Variants in MITF observed in about 807,000 individuals in gnomAD.
The protein encoded by MITF is microphthalmia-associated transcription factor.
In MITF, 17 loss-of-function variants were observed where a neutral mutation model predicts 60.5. The ratio of observed to expected loss-of-function variants is 0.28; its 90% CI spans 0.19 to 0.42. The LOEUF is 0.42. Ranked by LOEUF, MITF falls within the 10% of genes least tolerant of loss-of-function variation. The pLI, the probability that MITF is intolerant of heterozygous loss-of-function variation, is 1.00. For synonymous variants in MITF, 260 were observed against 248.5 expected (o/e 1.05, Z -0.43); for missense variants, 622 against 683.5 (o/e 0.91, Z 1.00).
At chr3:69,777,052 T>A (rs1231455337) in intron 1 of MITF, among the ~76,000 whole-genome samples, 5 of 152,318 alleles carry the variant, frequency 3.3e-5, no homozygotes, top group East Asian at 1.9e-4. Flanking sequence ...AAAAGTCTTA[T>A]AATCATGCAT....
In MITF at chr3:69,804,002, T is replaced by C. The variant is rs550769819; in HGVS notation, c.104+64301T>C. On this transcript the variant is annotated intron_variant, in intron 1 of 9. Transcript: ENST00000352241. ...AATAGAAGAATCCATGAAGCAAATG[T>C]ATCCTGTGCTGGGCTTATGGAAGAA... 2.0e-5 allele frequency among the ~76,000 whole-genome samples: 3 copies of C among 152,316 alleles called. No homozygotes were observed. In the East Asian group the frequency reaches 5.8e-4, roughly 29 times the overall value.
At chr3:69,897,317 C>T (rs1234599822) in intron 2 of MITF, among the ~76,000 whole-genome samples, 3 of 151,892 alleles carry the variant, frequency 2.0e-5, no homozygotes, top group African/African-American at 2.4e-5. Context: ...CTCCAGAAGA[C>T]GTAAGAAGAA....
intron 1 of MITF, among the ~76,000 whole-genome samples, chr3:69,811,988 T>G (rs1281329842): frequency 6.6e-6 from 1 of 152,196 alleles, no homozygotes; most frequent in Non-Finnish European, 1.5e-5. Flanking sequence ...AACTGAAATT[T>G]CTTGCTGTTT....
At chr3:69,744,221 A>C (rs747054339) in intron 1 of MITF, among the ~76,000 whole-genome samples, 3 of 152,222 alleles carry the variant, frequency 2.0e-5, no homozygotes, top group African/African-American at 2.4e-5. Flanking sequence ...CATTTCTTGG[A>C]GTTATGCTGA....
At chr3:69,900,600 G>C (rs1427815946) in intron 2 of MITF, among the ~76,000 whole-genome samples, 1 of 152,184 alleles carries the variant, frequency 6.6e-6, no homozygotes, top group Non-Finnish European at 1.5e-5. Flanking sequence ...TGATAGAACA[G>C]GGTAAAAAGG....
intron 1 of MITF, among the ~76,000 whole-genome samples, chr3:69,757,996 C>CGT (rs1559612315): frequency 1.1e-4 from 11 of 96,474 alleles, no homozygotes; most frequent in South Asian, 3.8e-4. Context: ...TACCCTAGGG[C>CGT]ATGTGTGTGT....
At chr3:69,777,072 T>G (rs1206189102) in intron 1 of MITF, among the ~76,000 whole-genome samples, 1 of 152,210 alleles carries the variant, frequency 6.6e-6, no homozygotes. Flanking sequence ...TTTGCAATTT[T>G]GCAGATCACA....
At chr3:69,893,788 T>C (rs1162766143) in intron 2 of MITF, among the ~76,000 whole-genome samples, 4 of 152,222 alleles carry the variant, frequency 2.6e-5, no homozygotes, top group East Asian at 3.8e-4. Flanking sequence ...ACTACCTGGC[T>C]ATGTAGATTC....
chr3:69,935,657 A>T (rs746743681), intron 2 of MITF, among the ~76,000 whole-genome samples: 1 of 152,204 alleles, frequency 6.6e-6, no homozygotes. Flanking sequence ...TTAGCTTAAC[A>T]TAACATTTGT....
chr3:69,773,728 AT>A lies in MITF; in HGVS notation c.104+34028del, dbSNP rs1397951564. On this transcript the variant is annotated intron_variant, in intron 1 of 9. Coordinates refer to ENST00000352241, the MANE Select transcript of MITF (RefSeq NM_001354604.2). ...TTTACTTAAAAAATTTTCCATAAAC[AT>A]CTCAAATTGAAAACTATGAAGCATT... Among the ~76,000 whole-genome samples the A allele has an allele frequency of 2.6e-5, 4 of 152,176 alleles. No homozygotes were observed. The East Asian group carries it at 7.7e-4, about 29-fold the overall frequency.
In MITF at chr3:69,857,395, T is replaced by C. The variant is rs80132571; in HGVS notation, c.105-21739T>C. Among the ~76,000 whole-genome samples the C allele has an allele frequency of 2.2e-3, 339 of 152,202 alleles. 2 individuals are homozygous for C. Among genetic ancestry groups the C allele is most frequent in the Middle Eastern group, 0.017 (5 of 294 alleles). ...CTTTAAATAAAAAAGATTTGTTTAATAATAAACATGGGGTATGATATGCAA... is the reference window on the plus strand; with the variant it reads ...CTTTAAATAAAAAAGATTTGTTTAACAATAAACATGGGGTATGATATGCAA... On this transcript the variant is annotated intron_variant, in intron 1 of 9. Transcript: ENST00000352241.
chr3:69,764,465 G>A (rs1303577558), intron 1 of MITF, among the ~76,000 whole-genome samples: 1 of 152,168 alleles, frequency 6.6e-6, no homozygotes, highest in African/African-American at 2.4e-5. Context: ...TTCAAGTACT[G>A]TAGGAACATA....
At chr3:69,916,412 C>T (rs1021426775) in intron 2 of MITF, among the ~76,000 whole-genome samples, 4 of 152,070 alleles carry the variant, frequency 2.6e-5, no homozygotes, top group African/African-American at 7.2e-5. Context: ...CTTATCAACC[C>T]TTGAGTCTTT....
chr3:69,834,360 T>C (rs2063504942), intron 1 of MITF, among the ~76,000 whole-genome samples: 1 of 152,220 alleles, frequency 6.6e-6, no homozygotes, highest in Admixed American at 6.5e-5. Flanking sequence ...TGTTCTGTTT[T>C]CTACTTTTAT....
intron 1 of MITF, among the ~76,000 whole-genome samples, chr3:69,745,003 G>A (rs185693086): frequency 3.3e-5 from 5 of 152,080 alleles, no homozygotes; most frequent in African/African-American, 7.2e-5. Context: ...GTGTTTTTAC[G>A]TGTGTAAAAC....
At chr3:69,802,305 C>A (rs1050794796) in intron 1 of MITF, among the ~76,000 whole-genome samples, 2 of 152,126 alleles carry the variant, frequency 1.3e-5, no homozygotes, top group Admixed American at 6.5e-5. Context: ...AAATGTCAAT[C>A]GTGCCAAGGC....
chr3:69,760,006 C>T (rs570931525), intron 1 of MITF, among the ~76,000 whole-genome samples: 95 of 152,288 alleles, frequency 6.2e-4, no homozygotes, highest in Non-Finnish European at 1.2e-3. Flanking sequence ...TCTCGATCTC[C>T]TGACCTCGTG....
At chr3:69,961,435 G>C (rs1230741963) in intron 9 of MITF, among the ~76,000 whole-genome samples, 1 of 149,462 alleles carries the variant, frequency 6.7e-6, no homozygotes, top group Non-Finnish European at 1.5e-5. Context: ...GGCCGGGTGC[G>C]GTGGTTCACG....
chr3:69,855,123 C>T (rs1261795679), intron 1 of MITF, among the ~76,000 whole-genome samples: 1 of 151,582 alleles, frequency 6.6e-6, no homozygotes, highest in African/African-American at 2.4e-5. Flanking sequence ...CTTTTCTGCT[C>T]TCATGGTCTA....
Sources: gnomAD v4.1 joint callset for allele counts (sites outside exome capture counted in the v4.1 genomes callset) on GRCh38, gnomAD v4.1.1 for gene constraint, MANE v1.5 for transcripts, NCBI Gene and HGNC (gene_info 2026-07-23, HGNC 2026-07-21) for gene names.